The following ST3GAL2 variants were observed in gnomAD, a reference collection of about 807,000 sequenced individuals.
The protein encoded by ST3GAL2 is CMP-N-acetylneuraminate-beta-galactosamide-alpha-2,3-sialyltransferase 2.
ST3GAL2 carries 16 observed loss-of-function variants against 37.5 expected under a neutral mutation model. That is an observed-to-expected ratio of 0.43 (90% CI 0.29 to 0.65). ST3GAL2 has a LOEUF of 0.65. ST3GAL2 is among the 30% of genes least tolerant of loss of function. ST3GAL2 has a pLI of 0.17. For synonymous variants in ST3GAL2, 238 were observed against 202.9 expected (o/e 1.17, Z -1.47); for missense variants, 383 against 487.8 (o/e 0.79, Z 2.02).
chr16:70,382,947 G>A (rs2047416351), intron 5 of ST3GAL2, 23 bp from the exon 6 acceptor site: 1 of 1,610,044 alleles, frequency 6.2e-7, no homozygotes, highest in Non-Finnish European at 8.5e-7. Context: ...GGGATGACAG[G>A]TATATGAGGG....
Position 70,395,142 on chromosome 16 carries a change from T to A in ST3GAL2, c.373A>T (p.Asn125Tyr), listed in dbSNP as rs1447828053. 6.2e-7 allele frequency: 1 copy of A among 1,609,420 alleles called. No homozygotes were observed. Among genetic ancestry groups the A allele is most frequent in the Non-Finnish European group, 8.5e-7 (1 of 1,178,064 alleles). The change falls in exon 3 of 7, where the codon AAT becomes TAT. Residue 125 changes from asparagine (N) to tyrosine (Y), a missense_variant. Asn to Tyr is a moderately radical substitution (Grantham distance 143, BLOSUM62 -2). This residue lies in a region of ST3GAL2 where 223 missense variants were observed against 239.1 expected (regional missense o/e 0.93). Transcript: ENST00000342907. The part of the protein sequence containing the change: ...LQPQFKSHNT[N>Y]EVLEKLFQIV... ...TGGAACAGCTTCTCCAGCACCTCAT[T>A]GGTGTTGTGTGACTTGAACTGGGGC...
chr16:70,429,588 C>CAAAAAAAAAAAA (rs1173306093), intron 1 of ST3GAL2, among the ~76,000 whole-genome samples: 647 of 36,042 alleles, frequency 0.018, 53 homozygotes, highest in African/African-American at 0.06. Context: ...GACTCTGTCT[C>CAAAAAAAAAAAA]AAAAAAAAAA....
At position 70,399,122 on chromosome 16, in the gene ST3GAL2, G is replaced by C. The variant is rs78372238; in HGVS notation, c.-592C>G. 5.8e-3 allele frequency: 2,329 copies of C among 400,068 alleles called. 38 individuals are homozygous for C. Among genetic ancestry groups the C allele is most frequent in the African/African-American group, 0.043 (2,077 of 48,740 alleles). 24.8% of individuals were successfully genotyped at this position (400,068 alleles called of 1,614,324 possible). A position where few individuals can be genotyped will look rare whatever the true frequency, so the allele number is the denominator to read the frequency against. ...GGGGAGCCAGACCCCAACCCTGAGA[G>C]GACAAAAACAGGAAGCTCTGTGAGT... On this transcript the variant is annotated 5_prime_UTR_variant, in exon 2 of 7. Coordinates refer to ENST00000342907, the MANE Select transcript of ST3GAL2 (RefSeq NM_006927.4).
In ST3GAL2 at chr16:70,376,736, A is replaced by T. The variant is rs2047348550; in HGVS notation, c.*4953T>A. On this transcript the variant is annotated 3_prime_UTR_variant, in exon 7 of 7. Coordinates refer to ENST00000342907, the MANE Select transcript of ST3GAL2 (RefSeq NM_006927.4). ...GTACTTCCTTGTCTGCTGCCTGTGGATGGGTAAAATACTTTTTTTTTTTTG... is the reference window on the plus strand; with the variant it reads ...GTACTTCCTTGTCTGCTGCCTGTGGTTGGGTAAAATACTTTTTTTTTTTTG... 6.6e-6 allele frequency: 1 copy of T among 151,722 alleles called. No homozygotes were observed. The highest frequency in any genetic ancestry group is 2.4e-5 in the African/African-American group (1 of 41,328). The allele number at this position is 151,722 out of a possible 1,614,324, so 9.4% of individuals were successfully genotyped here.
chr16:70,382,765 T>C (rs1357814374), intron 6 of ST3GAL2, 40 bp downstream of exon 6: 2 of 1,613,138 alleles, frequency 1.2e-6, no homozygotes, highest in Non-Finnish European at 1.7e-6. Context: ...CACTCCTCTG[T>C]TCCATGGGTT....
At chr16:70,412,461 C>T (rs568307493) in intron 1 of ST3GAL2, among the ~76,000 whole-genome samples, 2 of 151,728 alleles carry the variant, frequency 1.3e-5, no homozygotes, top group Non-Finnish European at 2.9e-5. Flanking sequence ...CTGGGCAACA[C>T]GACAACACCC....
rs184825058 is a variant in ST3GAL2 at position 70,417,457 on chromosome 16, T to A, written c.-1003-17924A>T. Among the ~76,000 whole-genome samples the A allele has an allele frequency of 4.6e-5, 7 of 152,030 alleles. No homozygotes were observed. The East Asian group carries it at 1.4e-3, about 29-fold the overall frequency. Reference sequence around the variant, plus strand: ...AGCAGAGGACGGTGCGCGTCCATCCTATGGGACACGGCCGTAACCCCTTCC... The same window carrying A: ...AGCAGAGGACGGTGCGCGTCCATCCAATGGGACACGGCCGTAACCCCTTCC... On this transcript the variant is annotated intron_variant, in intron 1 of 6. Coordinates refer to ENST00000342907, the MANE Select transcript of ST3GAL2 (RefSeq NM_006927.4).
intron 1 of ST3GAL2, among the ~76,000 whole-genome samples, chr16:70,437,577 C>CT (rs1331191596): frequency 6.6e-6 from 1 of 151,468 alleles, no homozygotes; most frequent in Non-Finnish European, 1.5e-5. Context: ...TGCCACCTCT[C>CT]TGAGCCCTCG....
At chr16:70,425,487 T>C (rs936659763) in intron 1 of ST3GAL2, among the ~76,000 whole-genome samples, 1 of 152,092 alleles carries the variant, frequency 6.6e-6, no homozygotes, top group Non-Finnish European at 1.5e-5. Context: ...CAGTGATATA[T>C]TGAGGTAGTG....
chr16:70,431,724 G>A (rs2047791390), intron 1 of ST3GAL2, among the ~76,000 whole-genome samples: 1 of 151,838 alleles, frequency 6.6e-6, no homozygotes, highest in Non-Finnish European at 1.5e-5. Flanking sequence ...AGCACTTTGG[G>A]AGGCCGAGGC....
chr16:70,392,835 A>C (rs12149396), intron 3 of ST3GAL2, among the ~76,000 whole-genome samples: 44,543 of 151,994 alleles, frequency 0.29, 8,068 homozygotes, highest in Non-Finnish European at 0.39. Context: ...CCCAGGCTGG[A>C]GTGCAGTGGT....
At chr16:70,410,514 A>T (rs1332857357) in intron 1 of ST3GAL2, among the ~76,000 whole-genome samples, 2 of 151,304 alleles carry the variant, frequency 1.3e-5, no homozygotes, top group African/African-American at 2.4e-5. Flanking sequence ...CGGCCTCCCA[A>T]AGTGCTGGGA....
chr16:70,399,588 T>G, intron 1 of ST3GAL2, 55 bp from the exon 2 acceptor site: 1 of 396,630 alleles, frequency 2.5e-6, no homozygotes, highest in African/African-American at 2.1e-5. Flanking sequence ...GGCACCAGGC[T>G]TTGTCCCAGC....
chr16:70,376,922 T>C lies in ST3GAL2; in HGVS notation c.*4767A>G, dbSNP rs573907445. 1 of 152,050 alleles carries C rather than the reference T, an allele frequency of 6.6e-6. No individual in the cohort carries two copies. Among genetic ancestry groups the C allele is most frequent in the Non-Finnish European group, 1.5e-5 (1 of 67,998 alleles). 9.4% of individuals were successfully genotyped at this position (152,050 alleles called of 1,614,324 possible). A position where few individuals can be genotyped will look rare whatever the true frequency, so the allele number is the denominator to read the frequency against. ...AAGCCTGGCCAATTTTTTGTATTTT[T>C]AGTAGAGACGGGGTTTCACCATCTT... On this transcript the variant is annotated 3_prime_UTR_variant, in exon 7 of 7. Coordinates refer to ENST00000342907, the MANE Select transcript of ST3GAL2 (RefSeq NM_006927.4).
intron 1 of ST3GAL2, chr16:70,423,099 T>G (rs1265432419): frequency 6.6e-6 from 1 of 152,026 alleles, no homozygotes; most frequent in African/African-American, 2.4e-5. Flanking sequence ...CACAGGAGGG[T>G]GGGCATTCAG....
chr16:70,408,123 G>GA (rs1226220212), intron 1 of ST3GAL2, among the ~76,000 whole-genome samples: 1 of 152,268 alleles, frequency 6.6e-6, no homozygotes, highest in East Asian at 1.9e-4. Flanking sequence ...ATTTTCGGGG[G>GA]ATAGCCTCTC....
chr16:70,436,563 A>T (rs1567680037), intron 1 of ST3GAL2, among the ~76,000 whole-genome samples: 1 of 151,822 alleles, frequency 6.6e-6, no homozygotes, highest in Non-Finnish European at 1.5e-5. Context: ...AGGGAGCTGG[A>T]GAGAGATGCA....
At chr16:70,395,256 G>C in intron 2 of ST3GAL2, 81 bp from the exon 3 acceptor site, 2 of 1,304,340 alleles carry the variant, frequency 1.5e-6, no homozygotes, top group Non-Finnish European at 2.1e-6. Context: ...CCCCTCCTCT[G>C]CCCTCACTAT....
At chr16:70,407,756 C>T (rs189092480) in intron 1 of ST3GAL2, among the ~76,000 whole-genome samples, 10 of 152,238 alleles carry the variant, frequency 6.6e-5, no homozygotes, top group Admixed American at 1.3e-4. Context: ...TGCCCCAAAA[C>T]GAGAACAGCA....
Sources: allele counts gnomAD v4.1 joint callset (sites outside exome capture counted in the v4.1 genomes callset), GRCh38; gene constraint gnomAD v4.1.1; regional missense constraint gnomAD v4.1.1; transcripts MANE v1.5; gene names NCBI Gene and HGNC (gene_info 2026-07-23, HGNC 2026-07-21).